The following ZNF540 variants were observed in gnomAD, a reference collection of about 807,000 sequenced individuals.
ZNF540 encodes the protein zinc finger protein 540.
ZNF540 carries 3 observed loss-of-function variants against 11.8 expected under a neutral mutation model. The observed-to-expected ratio is 0.25, with a 90% CI of 0.12 to 0.65. ZNF540 has a LOEUF of 0.65. Among genes scored for constraint, ZNF540 ranks in the 30% least tolerant of loss-of-function variants. The probability of loss-of-function intolerance (pLI) is 0.83; values close to 1 mark genes in which losing one functional copy is unlikely to be tolerated. For synonymous variants in ZNF540, 247 were observed against 259.0 expected, an observed-to-expected ratio of 0.95 and a Z score of 0.45; for missense variants, 709 against 793.1, an observed-to-expected ratio of 0.89 and a Z score of 1.27.
Position 37,598,373 on chromosome 19 carries a change from C to T in ZNF540, c.-72-3C>T. On this transcript the variant is annotated splice_region_variant and splice_polypyrimidine_tract_variant and intron_variant, in intron 1 of 4. Coordinates refer to ENST00000316433, the MANE Select transcript of ZNF540 (RefSeq NM_001172225.3). The stretch of plus-strand genomic sequence containing the variant: ...TGTCTCATTTTTTTCTCCTCTAACT[C>T]AGGCTTCTCAGAACTTTGCTTCTCC... 3.9e-6 allele frequency: 6 copies of T among 1,547,328 alleles called. No individual in the cohort carries two copies. The highest frequency in any genetic ancestry group is 5.3e-6 in the Non-Finnish European group (6 of 1,125,678).
chr19:37,591,699 C>T (rs2043872972), upstream of ZNF540, among the ~76,000 whole-genome samples: 1 of 152,070 alleles, frequency 6.6e-6, no homozygotes, highest in East Asian at 1.9e-4. Context: ...AATGTGCCAC[C>T]ATGCCCAGCT....
chr19:37,604,937 G>A (rs2044071920), intron 4 of ZNF540, among the ~76,000 whole-genome samples: 1 of 152,146 alleles, frequency 6.6e-6, no homozygotes, highest in East Asian at 1.9e-4. Context: ...ATATTTATGC[G>A]ATTCATCCAA....
intron 1 of ZNF540, chr19:37,555,228 C>A (rs1414657499): frequency 6.6e-6 from 1 of 152,164 alleles, no homozygotes; most frequent in Non-Finnish European, 1.5e-5. Context: ...CAGGTGGAAA[C>A]AAGGCTGGGT....
rs1276495930 is a variant in ZNF540, at chr19:37,611,664, T to G, written c.384T>G (p.Phe128Leu). The change falls in exon 5 of 5, where the codon TTT (phenylalanine) becomes TTG (leucine). Residue 128 changes from phenylalanine to leucine, a missense_variant. By Grantham distance (22) the Phe-to-Leu change is conservative. Coordinates refer to ENST00000316433, the MANE Select transcript of ZNF540 (RefSeq NM_001172225.3). ...ATGAGTGGCAGAACAAAAGTGAGTT[T>G]GAGGGTCAACAGGGACTTAAAGAAA... is the stretch of plus-strand genomic sequence containing the variant. ...FRNEWQNKSE[F>L]EGQQGLKERS... 1 of 1,613,998 alleles carries G rather than the reference T, an allele frequency of 6.2e-7. No individual in the cohort carries two copies. Among genetic ancestry groups the G allele is most frequent in the East Asian group, 2.2e-5 (1 of 44,818 alleles).
intron 2 of ZNF540, among the ~76,000 whole-genome samples, 192 bp downstream of exon 2, chr19:37,598,648 GTC>G (rs1239303054): frequency 6.6e-6 from 1 of 152,136 alleles, no homozygotes; most frequent in Non-Finnish European, 1.5e-5. Flanking sequence ...AGGGTACTCA[GTC>G]TCTGTCTAGG....
At chr19:37,609,266 G>A (rs893467128) in intron 4 of ZNF540, among the ~76,000 whole-genome samples, 4 of 152,148 alleles carry the variant, frequency 2.6e-5, no homozygotes, top group Non-Finnish European at 4.4e-5. Flanking sequence ...ACAGTGGGCC[G>A]GGCACGGTGG....
chr19:37,595,780 T>C (rs2072943740), intron 1 of ZNF540, among the ~76,000 whole-genome samples: 1 of 152,216 alleles, frequency 6.6e-6, no homozygotes, highest in Admixed American at 6.5e-5. Flanking sequence ...TATTGAGAAA[T>C]TGAAATGTGG....
intron 1 of ZNF540, chr19:37,564,980 A>G: frequency 1.2e-6 from 2 of 1,613,860 alleles, no homozygotes; most frequent in Non-Finnish European, 1.7e-6. Context: ...AGCACGTACA[A>G]AGGTCTTCCC....
intron 1 of ZNF540, among the ~76,000 whole-genome samples, chr19:37,572,683 TG>T (rs1297702980): frequency 6.6e-6 from 1 of 152,216 alleles, no homozygotes; most frequent in Non-Finnish European, 1.5e-5. Flanking sequence ...TATAACAATG[TG>T]GCTTTCTGAA....
rs769163050 is a variant in ZNF540 at position 37,604,296 on chromosome 19, C to CTTTT, written c.232+3217_232+3220dup. Among the ~76,000 whole-genome samples the CTTTT allele has an allele frequency of 1.7e-3, 131 of 75,242 alleles. 29 individuals carry two copies. Among genetic ancestry groups the CTTTT allele is most frequent in the East Asian group, 8.6e-3 (17 of 1,986 alleles). 49.4% of individuals were successfully genotyped at this position (75,242 alleles called of 152,430 possible). A position where few individuals can be genotyped will look rare whatever the true frequency, so the allele number is the denominator to read the frequency against. ...CATAGAGCTTTGGAAAATAGCCTTA[C>CTTTT]TTTTTTTTTTTTTTTTTTTTTTTTT... On this transcript the variant is annotated intron_variant, in intron 4 of 4. Transcript: ENST00000316433.
intron 1 of ZNF540, among the ~76,000 whole-genome samples, chr19:37,554,425 C>G (rs1367039007): frequency 1.3e-5 from 2 of 152,066 alleles, no homozygotes; most frequent in Non-Finnish European, 2.9e-5. Flanking sequence ...CTCCCTATTC[C>G]TTTCTCTGCT....
intron 4 of ZNF540, among the ~76,000 whole-genome samples, chr19:37,607,531 T>G (rs1226192424): frequency 6.6e-6 from 1 of 152,204 alleles, no homozygotes; most frequent in Non-Finnish European, 1.5e-5. Flanking sequence ...CTCCATCGTT[T>G]TGCCTTTTTC....
At chr19:37,554,506 C>CA (rs2051808445) in intron 1 of ZNF540, among the ~76,000 whole-genome samples, 1 of 152,038 alleles carries the variant, frequency 6.6e-6, no homozygotes, top group South Asian at 2.1e-4. Context: ...ATCTTTTTTC[C>CA]ATCAGGCTGT....
intron 1 of ZNF540, among the ~76,000 whole-genome samples, chr19:37,581,731 G>C (rs2043472042): frequency 1.3e-5 from 2 of 151,662 alleles, no homozygotes; most frequent in Non-Finnish European, 2.9e-5. Context: ...CCAAAGTACT[G>C]GGATTACAGG....
At chr19:37,602,594 T>A (rs1319566755) in intron 4 of ZNF540, among the ~76,000 whole-genome samples, 1 of 152,174 alleles carries the variant, frequency 6.6e-6, no homozygotes, top group African/African-American at 2.4e-5. Context: ...CGAATGAGTT[T>A]CATAGAATGA....
rs140036090 is a variant in ZNF540, at chr19:37,609,371, G to A, written c.233-2142G>A. ...AGCCTGGCCAATATAGTGAAACCCC[G>A]TCTCTACTAAAAATACCAAAAAATT... On this transcript the variant is annotated intron_variant, in intron 4 of 4. Transcript: ENST00000316433. Among the ~76,000 whole-genome samples the A allele has an allele frequency of 3.8e-3, 574 of 151,978 alleles. 6 individuals are homozygous for A. The highest frequency in any genetic ancestry group is 0.013 in the African/African-American group (537 of 41,444).
chr19:37,560,349 A>G (rs2042703703), intron 1 of ZNF540: 1 of 151,912 alleles, frequency 6.6e-6, no homozygotes, highest in Non-Finnish European at 1.5e-5. Flanking sequence ...TAAACTTCGT[A>G]TGTAACTTTG....
intron 1 of ZNF540, chr19:37,564,975 G>GTGC (rs2042796374): frequency 6.2e-7 from 1 of 1,613,314 alleles, no homozygotes; most frequent in African/African-American, 1.3e-5. Flanking sequence ...TGTGTAGCAC[G>GTGC]TACAAAGGTC....
chr19:37,586,481 T>C (rs1379486023), intron 1 of ZNF540: 3 of 644,598 alleles, frequency 4.7e-6, no homozygotes, highest in East Asian at 5.5e-5. Flanking sequence ...ATCTGAAAAC[T>C]GTTTGGAGAG....
Sources: gnomAD v4.1 joint callset for allele counts (sites outside exome capture counted in the v4.1 genomes callset) on GRCh38, gnomAD v4.1.1 for gene constraint, MANE v1.5 for transcripts, NCBI Gene and HGNC (gene_info 2026-07-23, HGNC 2026-07-21) for gene names.